The following APOL1 variants were observed in gnomAD, a reference collection of about 807,000 sequenced individuals.
APOL1 encodes the protein apolipoprotein L 1.
A neutral mutation model predicts 14.9 loss-of-function variants in APOL1; 17 were observed. The observed-to-expected ratio is 1.14, with a 90% confidence interval of 0.78 to 1.71. The LOEUF is 1.71. APOL1 is among the 40% of genes most tolerant of loss of function. The pLI, the probability that APOL1 is intolerant of heterozygous loss-of-function variation, is 0.00. For missense variants in APOL1, 523 were observed against 485.9 expected, an observed-to-expected ratio of 1.08 and a Z score of -0.72; for synonymous variants, 195 against 184.8, an observed-to-expected ratio of 1.05 and a Z score of -0.45.
In APOL1 at chr22:36,265,899, G is replaced by A. The variant is rs151114491; in HGVS notation, c.1063G>A (p.Glu355Lys). The A allele has an allele frequency of 1.8e-4, 284 of 1,614,148 alleles. 2 individuals are homozygous for A. The South Asian group carries it at 1.9e-3, about 11-fold the overall frequency. Residue 355 changes from glutamate (E) to lysine (K), a missense_variant, in exon 6 of 6, where the codon GAA becomes AAA. Transcript: ENST00000397278. ...LVLDVVYLVY[E>K]SKHLHEGAKS... is the part of the protein sequence containing the mutation. The stretch of plus-strand genomic sequence containing the variant: ...GCTGGATGTAGTCTACCTCGTGTAC[G>A]AATCAAAGCACTTACATGAGGGGGC...
chr22:36,265,051 T>C, intron 5 of APOL1, 100 bp from the exon 6 acceptor site: 1 of 1,434,400 alleles, frequency 7.0e-7, no homozygotes, highest in Non-Finnish European at 9.5e-7. Flanking sequence ...GACCTTGTGA[T>C]CCACCCGCCT....
chr22:36,255,994 A>T (rs1052824300), intron 2 of APOL1, among the ~76,000 whole-genome samples: 13 of 151,942 alleles, frequency 8.6e-5, no homozygotes, highest in Admixed American at 2.6e-4. Context: ...TACAACTTTC[A>T]TATACCCTCA....
intron 1 of APOL1, among the ~76,000 whole-genome samples, chr22:36,254,686 C>T (rs1173121339): frequency 6.6e-6 from 1 of 152,038 alleles, no homozygotes; most frequent in East Asian, 1.9e-4. Context: ...CATGGTGAAA[C>T]CCTGTCTCTA....
chr22:36,262,676 A>T (rs1249082402), intron 5 of APOL1, among the ~76,000 whole-genome samples: 6 of 152,172 alleles, frequency 3.9e-5, no homozygotes, highest in African/African-American at 1.4e-4. Context: ...TGCAGAGGAC[A>T]TGTGAGTGGG....
chr22:36,261,684 G>T lies in APOL1; in HGVS notation c.276G>T (p.Glu92Asp). The T allele has an allele frequency of 6.2e-7, 1 of 1,614,080 alleles. No homozygotes were observed. The highest frequency in any genetic ancestry group is 1.1e-5 in the South Asian group (1 of 91,080). Residue 92 changes from glutamate (E) to aspartate (D), a missense_variant, in exon 5 of 6, where the codon GAG becomes GAT. Coordinates refer to ENST00000397278, the MANE Select transcript of APOL1 (RefSeq NM_003661.4). ...TGCTACTCCTGCTGACTGATAATGA[G>T]GCCTGGAACGGATTCGTGGCTGCTG... ...QNLLLLLTDN[E>D]AWNGFVAAAE...
Position 36,266,517 on chromosome 22 carries a change from A to C in APOL1, c.*484A>C. Reference sequence around the variant, plus strand: ...GGGTTAATGCAGATGGCAGTGCAGCAAGGAGAAGGCAGGAACATTGGAGCC... The same window carrying C: ...GGGTTAATGCAGATGGCAGTGCAGCCAGGAGAAGGCAGGAACATTGGAGCC... On this transcript the variant is annotated 3_prime_UTR_variant, in exon 6 of 6. Coordinates refer to ENST00000397278, the MANE Select transcript of APOL1 (RefSeq NM_003661.4). 1 of 400,364 alleles carries C rather than the reference A, an allele frequency of 2.5e-6. No homozygotes were observed. Among genetic ancestry groups the C allele is most frequent in the South Asian group, 1.3e-4 (1 of 7,938 alleles). The allele number at this position is 400,364 out of a possible 1,614,324, so 24.8% of individuals were successfully genotyped here.
At position 36,265,199 on chromosome 22, in the gene APOL1, A is replaced by G; in HGVS notation, c.363A>G (p.Gln121=). The G allele has an allele frequency of 6.2e-7, 1 of 1,614,172 alleles. No homozygotes were observed. Among genetic ancestry groups the G allele is most frequent in the Non-Finnish European group, 8.5e-7 (1 of 1,180,030 alleles). ...LRKALDNLAR[Q]MIMKDKNWHD... ...AAGCTCTGGACAACCTTGCAAGACA[A>G]ATGATCATGAAAGACAAAAACTGGC... Residue 121 remains glutamine (Q), a synonymous_variant, in exon 6 of 6, where the codon CAA becomes CAG. Coordinates refer to ENST00000397278, the MANE Select transcript of APOL1 (RefSeq NM_003661.4).
At chr22:36,260,506 C>T (rs1428463410) in intron 4 of APOL1, among the ~76,000 whole-genome samples, 1 of 152,242 alleles carries the variant, frequency 6.6e-6, no homozygotes, top group Non-Finnish European at 1.5e-5. Context: ...TCTGCAATTC[C>T]ATAATTCCCA....
Position 36,261,603 on chromosome 22 carries a change from T to C in APOL1, c.195T>C (p.Ser65=), listed in dbSNP as rs201153239. 227 of 1,613,216 alleles carry C rather than the reference T, an allele frequency of 1.4e-4. No homozygotes were observed. The highest frequency in any genetic ancestry group is 1.7e-4 in the Non-Finnish European group (201 of 1,179,358). The change falls in exon 5 of 6, where the codon AGT becomes AGC. Residue 65 remains serine, a synonymous_variant. Coordinates refer to ENST00000397278, the MANE Select transcript of APOL1 (RefSeq NM_003661.4). The stretch of plus-strand genomic sequence containing the variant: ...TTTCTTCTTTCCAACTAGAGAGCAG[T>C]ATCTTTATTGAGGATGCCATTAAGT... ...WAAGTMDPES[S]IFIEDAIKYF...
Position 36,257,150 on chromosome 22 carries a change from A to C in APOL1, c.98+14A>C. The C allele has an allele frequency of 1.9e-6, 3 of 1,614,152 alleles. No individual in the cohort carries two copies. The highest frequency in any genetic ancestry group is 3.3e-4 in the Middle Eastern group (2 of 6,062). On this transcript the variant is annotated intron_variant, in intron 3 of 5. Coordinates refer to ENST00000397278, the MANE Select transcript of APOL1 (RefSeq NM_003661.4). ...AGCTGGAGCGAGGTGAGTGTCTGCAAATAGCAGATGATGGGGGCTCAGTGA... is the reference window on the plus strand; with the variant it reads ...AGCTGGAGCGAGGTGAGTGTCTGCACATAGCAGATGATGGGGGCTCAGTGA...
chr22:36,265,777 G>A lies in APOL1; in HGVS notation c.941G>A (p.Ser314Asn), dbSNP rs1471934383. 1 of 1,614,090 alleles carries A rather than the reference G, an allele frequency of 6.2e-7. No individual in the cohort carries two copies. Among genetic ancestry groups the A allele is most frequent in the East Asian group, 2.2e-5 (1 of 44,894 alleles). The change falls in exon 6 of 6, where the codon AGC becomes AAC. Residue 314 changes from serine (S) to asparagine (N), a missense_variant. Physicochemically the swap from Ser to Asn is conservative, Grantham distance 46 (BLOSUM62 1). Transcript: ENST00000397278. Reference sequence around the variant, plus strand: ...GTCACTGAGCCAATCTCAGCTGAAAGCGGTGAACAGGTGGAGAGGGTTAAT... The same window carrying A: ...GTCACTGAGCCAATCTCAGCTGAAAACGGTGAACAGGTGGAGAGGGTTAAT... ...PRVTEPISAE[S>N]GEQVERVNEP...
At chr22:36,253,702 C>G (rs2015763737) in intron 1 of APOL1, 2 of 543,028 alleles carry the variant, frequency 3.7e-6, no homozygotes, top group Non-Finnish European at 6.6e-6. Flanking sequence ...GTCTGAGCAC[C>G]AACTTGTGCC....
At chr22:36,262,994 T>C (rs923064050) in intron 5 of APOL1, among the ~76,000 whole-genome samples, 3 of 152,240 alleles carry the variant, frequency 2.0e-5, no homozygotes, top group Admixed American at 1.3e-4. Context: ...CTTTTCAGCA[T>C]TAGCAATTTA....
Position 36,265,178 on chromosome 22 carries a change from T to C in APOL1, c.342T>C (p.Ala114=). The change falls in exon 6 of 6, where the codon GCT becomes GCC. Residue 114 remains alanine (A), a synonymous_variant. Transcript: ENST00000397278. ...ATGAGGCAGATGAGCTCCGTAAAGC[T>C]CTGGACAACCTTGCAAGACAAATGA... ...PRNEADELRK[A]LDNLARQMIM... is the part of the protein sequence containing the mutation. 6.2e-7 allele frequency: 1 copy of C among 1,614,142 alleles called. No homozygotes were observed. The highest frequency in any genetic ancestry group is 1.7e-5 in the Admixed American group (1 of 60,022).
At chr22:36,259,138 G>T (rs180906281) in intron 4 of APOL1, among the ~76,000 whole-genome samples, 8 of 152,162 alleles carry the variant, frequency 5.3e-5, no homozygotes, top group African/African-American at 1.9e-4. Context: ...GTACCCATCT[G>T]ATATGACCCC....
At chr22:36,253,809 C>T in intron 1 of APOL1, 2 of 863,526 alleles carry the variant, frequency 2.3e-6, no homozygotes, top group Non-Finnish European at 3.7e-6. Context: ...CTCCACGTCT[C>T]TGGCCCTCAC....
In APOL1 at chr22:36,265,265, G is replaced by A. The variant is rs751558663; in HGVS notation, c.429G>A (p.Glu143=). 8 of 1,614,030 alleles carry A rather than the reference G, an allele frequency of 5.0e-6. No individual in the cohort carries two copies. Among genetic ancestry groups the A allele is most frequent in the Non-Finnish European group, 6.8e-6 (8 of 1,180,024 alleles). The part of the protein sequence containing the change: ...GQQYRNWFLK[E]FPRLKSELED... ...AGTACAGAAACTGGTTTCTGAAAGA[G>A]TTTCCTCGGTTGAAAAGTGAGCTTG... Residue 143 remains glutamate, a synonymous_variant, in exon 6 of 6, where the codon GAG becomes GAA. Coordinates refer to ENST00000397278, the MANE Select transcript of APOL1 (RefSeq NM_003661.4).
At position 36,265,346 on chromosome 22, in the gene APOL1, A is replaced by G. The variant is rs149947719; in HGVS notation, c.510A>G (p.Lys170=). The G allele has an allele frequency of 1.9e-6, 3 of 1,611,736 alleles. No homozygotes were observed. The highest frequency in any genetic ancestry group is 2.5e-6 in the Non-Finnish European group (3 of 1,178,544). Residue 170 remains lysine (K), a synonymous_variant, in exon 6 of 6, where the codon AAA becomes AAG. Transcript: ENST00000397278. ...ALADGVQKVH[K]GTTIANVVSG... Reference sequence around the variant, plus strand: ...CAGATGGGGTTCAGAAGGTCCACAAAGGCACCACCATCGCCAATGTGGTGT... The same window carrying G: ...CAGATGGGGTTCAGAAGGTCCACAAGGGCACCACCATCGCCAATGTGGTGT...
chr22:36,261,755 T>G (rs750592758), intron 5 of APOL1, 33 bp downstream of exon 5: 1 of 1,594,746 alleles, frequency 6.3e-7, no homozygotes, highest in East Asian at 2.3e-5. Flanking sequence ...CATTGGGCAC[T>G]CCGGCGATGC....
Sources: allele counts gnomAD v4.1 joint callset (sites outside exome capture counted in the v4.1 genomes callset), GRCh38; gene constraint gnomAD v4.1.1; transcripts MANE v1.5; gene names NCBI Gene and HGNC (gene_info 2026-07-23, HGNC 2026-07-21).